CRIM1: variants seen among roughly 807,000 people sequenced by gnomAD.
The protein encoded by CRIM1 is cysteine-rich motor neuron 1 protein.
CRIM1 carries 32 observed loss-of-function variants against 116.4 expected under a neutral mutation model. The observed-to-expected ratio is 0.27, with a 90% CI of 0.21 to 0.37. The LOEUF is 0.37. CRIM1 is among the 10% of genes least tolerant of loss of function. The pLI, the probability that CRIM1 is intolerant of heterozygous loss-of-function variation, is 1.00. For missense variants in CRIM1, 1,331 were observed against 1,354.8 expected (o/e 0.98, Z 0.28); for synonymous variants, 590 against 509.2 (o/e 1.16, Z -2.13).
At chr2:36,392,329 A>G (rs1191634829) in intron 1 of CRIM1, among the ~76,000 whole-genome samples, 3 of 152,192 alleles carry the variant, frequency 2.0e-5, no homozygotes, top group Non-Finnish European at 2.9e-5. Context: ...TTAAAAATAC[A>G]TTTGCAGAGG....
At chr2:36,437,094 G>A (rs1675369713) in intron 2 of CRIM1, among the ~76,000 whole-genome samples, 2 of 152,184 alleles carry the variant, frequency 1.3e-5, no homozygotes, top group African/African-American at 2.4e-5. Context: ...CACTAGAGGA[G>A]GCTGGGCACG....
At chr2:36,477,611 C>G (rs1007453257) in intron 6 of CRIM1, among the ~76,000 whole-genome samples, 4 of 152,190 alleles carry the variant, frequency 2.6e-5, no homozygotes, top group Non-Finnish European at 5.9e-5. Flanking sequence ...CAGGTCACCA[C>G]CTGGTGACAC....
At chr2:36,374,104 A>G (rs2148314389) in intron 1 of CRIM1, among the ~76,000 whole-genome samples, 1 of 152,334 alleles carries the variant, frequency 6.6e-6, no homozygotes, top group East Asian at 1.9e-4. Flanking sequence ...GTGTCAAGAA[A>G]GGTAGACTCA....
At chr2:36,358,099 C>G (rs1472913580) in intron 1 of CRIM1, among the ~76,000 whole-genome samples, 1 of 148,652 alleles carries the variant, frequency 6.7e-6, no homozygotes, top group Non-Finnish European at 1.5e-5. Flanking sequence ...GAGGGACTTG[C>G]TCTTGCTTTG....
intron 2 of CRIM1, among the ~76,000 whole-genome samples, chr2:36,403,121 A>AG (rs913770571): frequency 6.6e-6 from 1 of 152,240 alleles, no homozygotes; most frequent in Non-Finnish European, 1.5e-5. Flanking sequence ...AACTGGCTGA[A>AG]GAGGTGTCTG....
chr2:36,516,186 T>C (rs1232169344), intron 11 of CRIM1, among the ~76,000 whole-genome samples: 2 of 152,200 alleles, frequency 1.3e-5, no homozygotes, highest in Admixed American at 1.3e-4. Flanking sequence ...TTGACTCTCA[T>C]GCTAACCACC....
intron 2 of CRIM1, among the ~76,000 whole-genome samples, chr2:36,421,995 TAAAA>T (rs1444658270): frequency 6.6e-6 from 1 of 152,028 alleles, no homozygotes; most frequent in South Asian, 2.1e-4. Context: ...CTATTTTTGC[TAAAA>T]CATAAGCTTA....
chr2:36,470,195 A>G (rs1678386750), intron 5 of CRIM1, among the ~76,000 whole-genome samples: 1 of 152,212 alleles, frequency 6.6e-6, no homozygotes, highest in African/African-American at 2.4e-5. Context: ...GAATGAACAG[A>G]TGGAGAGAAC....
intron 2 of CRIM1, among the ~76,000 whole-genome samples, chr2:36,430,808 C>G (rs1333312291): frequency 6.6e-6 from 1 of 152,182 alleles, no homozygotes; most frequent in Admixed American, 6.5e-5. Flanking sequence ...GGTCTAAACA[C>G]TGGGAGATCT....
intron 2 of CRIM1, among the ~76,000 whole-genome samples, chr2:36,420,854 C>T (rs971284577): frequency 6.6e-6 from 1 of 152,138 alleles, no homozygotes; most frequent in African/African-American, 2.4e-5. Flanking sequence ...TGGCCAAGGG[C>T]TTTGAGTGTC....
chr2:36,363,702 G>A (rs892276183), intron 1 of CRIM1, among the ~76,000 whole-genome samples: 3 of 152,082 alleles, frequency 2.0e-5, no homozygotes, highest in African/African-American at 7.2e-5. Flanking sequence ...TGGGGAGGAG[G>A]CGGGAACCTA....
intron 1 of CRIM1, among the ~76,000 whole-genome samples, chr2:36,391,259 G>C (rs776546631): frequency 6.6e-5 from 10 of 150,528 alleles, no homozygotes; most frequent in Non-Finnish European, 1.3e-4. Flanking sequence ...CTCCCGAGAA[G>C]CTGGGACTAC....
At chr2:36,464,164 A>G (rs1019959969) in intron 4 of CRIM1, among the ~76,000 whole-genome samples, 2 of 152,354 alleles carry the variant, frequency 1.3e-5, no homozygotes, top group East Asian at 1.9e-4. Context: ...TAGCCTGTGC[A>G]AGCATCGATT....
chr2:36,438,246 A>T (rs1283290999), intron 2 of CRIM1, among the ~76,000 whole-genome samples: 1 of 152,218 alleles, frequency 6.6e-6, no homozygotes, highest in African/African-American at 2.4e-5. Context: ...TACATACTAA[A>T]TATTTTGTAA....
intron 5 of CRIM1, among the ~76,000 whole-genome samples, chr2:36,466,044 C>CCATACA (rs1558334440): frequency 6.6e-6 from 1 of 151,660 alleles, no homozygotes; most frequent in Non-Finnish European, 1.5e-5. Context: ...CGCCACCACA[C>CCATACA]GCGGCTAATT....
In CRIM1 at chr2:36,356,705, G is replaced by T; in HGVS notation, c.331+82G>T. On this transcript the variant is annotated intron_variant, in intron 1 of 16. Coordinates refer to ENST00000280527, the MANE Select transcript of CRIM1 (RefSeq NM_016441.3). This position sits in a 1 kb window ranked among gnomAD's most constrained non-coding sequence, Gnocchi z 4.3. ...TGGTTGTGCCGAACAAAGTTTGGGC[G>T]AGACTTTCTGGAGGAAAGAGGGCTC... 1 of 1,376,976 alleles carries T rather than the reference G, an allele frequency of 7.3e-7. No individual in the cohort carries two copies. Among genetic ancestry groups the T allele is most frequent in the African/African-American group, 1.4e-5 (1 of 69,426 alleles). The allele number at this position is 1,376,976 out of a possible 1,614,324, so 85.3% of individuals were successfully genotyped here. A position where few individuals can be genotyped will look rare whatever the true frequency, so the allele number is the denominator to read the frequency against.
At chr2:36,392,998 A>C (rs1313631823) in intron 1 of CRIM1, among the ~76,000 whole-genome samples, 1 of 152,220 alleles carries the variant, frequency 6.6e-6, no homozygotes, top group Non-Finnish European at 1.5e-5. Flanking sequence ...CTGAGAAAGC[A>C]GCAGAAAACA....
rs187676089 is a variant in CRIM1, at chr2:36,533,875, T to C, written c.2429-3477T>C. ...AGGTGCTTTAGGTCCACGCTCAGTC[T>C]AAGTTCTTCCCATCATTATTCTCGT... On this transcript the variant is annotated intron_variant, in intron 13 of 16. Transcript: ENST00000280527. Among the ~76,000 whole-genome samples the C allele has an allele frequency of 8.6e-5, 13 of 151,764 alleles. No homozygotes were observed. In the East Asian group the frequency reaches 2.3e-3, roughly 27 times the overall value.
intron 8 of CRIM1, among the ~76,000 whole-genome samples, chr2:36,504,849 C>G (rs1681278354): frequency 6.6e-6 from 1 of 152,130 alleles, no homozygotes; most frequent in South Asian, 2.1e-4. Context: ...CTTTTGGCAT[C>G]TTAGTGTACA....
Sources: gnomAD v4.1 joint callset for allele counts (sites outside exome capture counted in the v4.1 genomes callset) on GRCh38, gnomAD v4.1.1 for gene constraint, Gnocchi (gnomAD v3.1) non-coding constraint, MANE v1.5 for transcripts, NCBI Gene and HGNC (gene_info 2026-07-23, HGNC 2026-07-21) for gene names.